MDN1: variants seen among roughly 807,000 people sequenced by gnomAD.
MDN1 encodes midasin.
MDN1 carries 266 observed loss-of-function variants against 669.2 expected under a neutral mutation model. The observed-to-expected ratio is 0.40, with a 90% CI of 0.36 to 0.44. The LOEUF (loss-of-function observed/expected upper bound fraction) is 0.44, where lower values mean the gene tolerates loss of function less well. Ranked by LOEUF, MDN1 falls within the 20% of genes least tolerant of loss-of-function variation. MDN1 has a pLI of 1.00. For missense variants in MDN1, 5,940 were observed against 6,754.0 expected (o/e 0.88, Z 4.22); for synonymous variants, 2,385 against 2,457.1 (o/e 0.97, Z 0.87).
chr6:89,752,631 C>T (rs1817014513), intron 22 of MDN1, among the ~76,000 whole-genome samples: 1 of 152,092 alleles, frequency 6.6e-6, no homozygotes, highest in Admixed American at 6.6e-5. Context: ...CCCACTACTG[C>T]CTCCTCAAAA....
intron 1 of MDN1, among the ~76,000 whole-genome samples, chr6:89,814,504 A>AT (rs1317191152): frequency 2.0e-5 from 3 of 151,906 alleles, no homozygotes; most frequent in African/African-American, 7.2e-5. Context: ...GATGACAGGC[A>AT]TGAACCACCA....
intron 60 of MDN1, 40 bp from the exon 61 acceptor site, chr6:89,696,032 T>C: frequency 6.4e-7 from 1 of 1,556,488 alleles, no homozygotes; most frequent in East Asian, 2.3e-5. Context: ...GTTTGTACTG[T>C]ATCAAAAAGC....
chr6:89,773,221 A>T lies in MDN1; in HGVS notation c.1935-500T>A, dbSNP rs534208851. Among the ~76,000 whole-genome samples the T allele has an allele frequency of 2.6e-5, 4 of 152,310 alleles. No individual in the cohort carries two copies. The East Asian group carries it at 5.8e-4, about 22-fold the overall frequency. ...CTTAAATCCAATGACTGGTGTCCTTATAAGAGGAAGATTTGGTGACATAGA... is the reference window on the plus strand; with the variant it reads ...CTTAAATCCAATGACTGGTGTCCTTTTAAGAGGAAGATTTGGTGACATAGA... On this transcript the variant is annotated intron_variant, in intron 13 of 101. Transcript: ENST00000369393.
At position 89,780,192 on chromosome 6, in the gene MDN1, A is replaced by T. The variant is rs1343123408; in HGVS notation, c.1725+20T>A. 2.1e-6 allele frequency: 3 copies of T among 1,421,554 alleles called. No individual in the cohort carries two copies. Among genetic ancestry groups the T allele is most frequent in the Non-Finnish European group, 2.9e-6 (3 of 1,048,090 alleles). The allele number at this position is 1,421,554 out of a possible 1,614,324, so 88.1% of individuals were successfully genotyped here. On this transcript the variant is annotated intron_variant, in intron 11 of 101. Coordinates refer to ENST00000369393, the MANE Select transcript of MDN1 (RefSeq NM_014611.3). ...GCCTTACAGAACCAAGACAAAAAAG[A>T]CTGGAAAACTATATCTTACCTCTTG...
intron 33 of MDN1, among the ~76,000 whole-genome samples, chr6:89,737,827 G>A (rs944174456): frequency 2.6e-5 from 4 of 150,996 alleles, no homozygotes; most frequent in African/African-American, 9.8e-5. Flanking sequence ...AGGTTCAAGC[G>A]ATTCTCCTGC....
chr6:89,722,990 C>A lies in MDN1; in HGVS notation c.5932G>T (p.Gly1978Cys), dbSNP rs756041949. ...DPGQHVFLVY[G>C]ERMRTEEDKK... is the part of the protein sequence containing the mutation. Reference sequence around the variant, plus strand: ...TCCTCTTCGGTTCTCATTCTTTCACCATAGACCAAAAACACATGCTGACCA... The same window carrying A: ...TCCTCTTCGGTTCTCATTCTTTCACAATAGACCAAAAACACATGCTGACCA... The change falls in exon 40 of 102, where the codon GGT becomes TGT. Residue 1978 changes from glycine (G) to cysteine (C), a missense_variant. Gly to Cys is a radical substitution (Grantham distance 159). This residue lies in a region of MDN1 where 2,292 missense variants were observed against 2,638.3 expected (regional missense o/e 0.87). Coordinates refer to ENST00000369393, the MANE Select transcript of MDN1 (RefSeq NM_014611.3). 1.9e-6 allele frequency: 3 copies of A among 1,613,602 alleles called. No individual in the cohort carries two copies. In the African/African-American group the frequency reaches 4.0e-5, roughly 22 times the overall value.
chr6:89,751,746 C>G lies in MDN1; in HGVS notation c.3076-164G>C, dbSNP rs184096055. Among the ~76,000 whole-genome samples, 84 of 152,198 alleles carry G rather than the reference C, an allele frequency of 5.5e-4. 1 individual carries two copies. Among genetic ancestry groups the G allele is most frequent in the Admixed American group, 5.5e-3 (84 of 15,284 alleles). On this transcript the variant is annotated intron_variant, in intron 22 of 101. Transcript: ENST00000369393. Reference sequence around the variant, plus strand: ...AACATAAAATTATGAGGAATGAGAACAAAATGGTGTTATATATTGGTTTTA... The same window carrying G: ...AACATAAAATTATGAGGAATGAGAAGAAAATGGTGTTATATATTGGTTTTA...
intron 11 of MDN1, among the ~76,000 whole-genome samples, chr6:89,778,938 A>ATAAC (rs1818498915): frequency 6.7e-6 from 1 of 149,406 alleles, no homozygotes; most frequent in Non-Finnish European, 1.5e-5. Flanking sequence ...AAATAAAAAA[A>ATAAC]AAGGTATAGG....
intron 33 of MDN1, 56 bp downstream of exon 33, chr6:89,738,270 C>T (rs1262764353): frequency 6.3e-7 from 1 of 1,589,964 alleles, no homozygotes; most frequent in African/African-American, 1.3e-5. Context: ...TCCCTCAACT[C>T]CCAACACAAA....
chr6:89,815,655 G>A (rs569701773), intron 1 of MDN1, among the ~76,000 whole-genome samples: 295 of 152,322 alleles, frequency 1.9e-3, no homozygotes, highest in South Asian at 3.3e-3. Flanking sequence ...TACTCCCCAA[G>A]GGGACTCTTG....
At chr6:89,764,880 G>GGAC (rs1817728633) in intron 15 of MDN1, among the ~76,000 whole-genome samples, 1 of 152,156 alleles carries the variant, frequency 6.6e-6, no homozygotes, top group South Asian at 2.1e-4. Context: ...TATCCTAAAT[G>GGAC]GACTGAGAAG....
intron 2 of MDN1, among the ~76,000 whole-genome samples, chr6:89,801,261 C>T (rs532233635): frequency 5.9e-5 from 9 of 151,932 alleles, no homozygotes; most frequent in East Asian, 3.9e-4. Context: ...GCCAGGCTCA[C>T]GCCTGTAATC....
chr6:89,721,657 G>A (rs1018784147), intron 40 of MDN1, among the ~76,000 whole-genome samples: 16 of 152,078 alleles, frequency 1.1e-4, no homozygotes, highest in Non-Finnish European at 2.2e-4. Flanking sequence ...GGAGTGCAGC[G>A]GCCTTTGAAG....
Position 89,754,223 on chromosome 6 carries a change from T to G in MDN1, c.2824A>C (p.Thr942Pro). The G allele has an allele frequency of 5.0e-6, 8 of 1,613,284 alleles. No homozygotes were observed. The highest frequency in any genetic ancestry group is 6.8e-6 in the Non-Finnish European group (8 of 1,179,622). ...GTCCCAGACTCTTTCCGCAAAGCTGTGTAGAAGCTACAAATAGAATAAAGG... is the reference window on the plus strand; with the variant it reads ...GTCCCAGACTCTTTCCGCAAAGCTGGGTAGAAGCTACAAATAGAATAAAGG... ...NTVQGIINFYTALRKESGTKL... is the reference protein window; with the variant it reads ...NTVQGIINFYPALRKESGTKL... The change falls in exon 21 of 102, where the codon ACA (threonine) becomes CCA (proline). Residue 942 changes from threonine (T) to proline (P), a missense_variant. Physicochemically the swap from Thr to Pro is conservative, Grantham distance 38. Transcript: ENST00000369393.
intron 36 of MDN1, 95 bp downstream of exon 36, chr6:89,728,836 T>A: frequency 7.8e-7 from 1 of 1,290,200 alleles, no homozygotes; most frequent in Non-Finnish European, 1.1e-6. Context: ...TTGAGGATAC[T>A]GATAATGTAA....
chr6:89,697,387 C>T (rs1274773243), intron 59 of MDN1, among the ~76,000 whole-genome samples: 1 of 151,972 alleles, frequency 6.6e-6, no homozygotes, highest in Non-Finnish European at 1.5e-5. Context: ...TTTTTAAAAG[C>T]ATGACACTAA....
chr6:89,792,965 A>G (rs1004738424), intron 5 of MDN1, among the ~76,000 whole-genome samples: 1 of 152,174 alleles, frequency 6.6e-6, no homozygotes, highest in Non-Finnish European at 1.5e-5. Context: ...GGTTGCAGTG[A>G]GCCGAGGTTC....
chr6:89,741,912 C>A (rs1407179061), intron 31 of MDN1, among the ~76,000 whole-genome samples: 1 of 152,014 alleles, frequency 6.6e-6, no homozygotes, highest in African/African-American at 2.4e-5. Context: ...ACCAGCCTGG[C>A]CAACATGGTG....
intron 63 of MDN1, 81 bp from the exon 64 acceptor site, chr6:89,690,915 A>C: frequency 2.5e-5 from 37 of 1,478,214 alleles, no homozygotes; most frequent in Non-Finnish European, 3.1e-5. Context: ...TTAATTTCTC[A>C]TGAAAATGAA....
Sources: allele counts gnomAD v4.1 joint callset (sites outside exome capture counted in the v4.1 genomes callset), GRCh38; gene constraint gnomAD v4.1.1; regional missense constraint gnomAD v4.1.1; transcripts MANE v1.5; gene names NCBI Gene and HGNC (gene_info 2026-07-23, HGNC 2026-07-21).